FMN1: variants seen among roughly 807,000 people sequenced by gnomAD.
FMN1 encodes the protein formin 1, also known as formin-1.
In FMN1, 110 loss-of-function variants were observed where a neutral mutation model predicts 132.4. That is an observed-to-expected ratio of 0.83 (90% CI 0.71 to 0.97). FMN1 has a LOEUF of 0.97. Among genes scored for constraint, FMN1 ranks in the 50% least tolerant of loss-of-function variants. The probability of loss-of-function intolerance (pLI) is 0.00; values close to 1 mark genes in which losing one functional copy is unlikely to be tolerated. For synonymous variants in FMN1, 722 were observed against 651.7 expected, an observed-to-expected ratio of 1.11 and a Z score of -1.64; for missense variants, 1,792 against 1,705.3, an observed-to-expected ratio of 1.05 and a Z score of -0.90.
chr15:32,960,995 C>CAAAAAAAAAAAAAAAAAAAA (rs539245532), intron 9 of FMN1, among the ~76,000 whole-genome samples: 2 of 59,094 alleles, frequency 3.4e-5, no homozygotes, highest in South Asian at 1.0e-3. Context: ...GACTCCGTCT[C>CAAAAAAAAAAAAAAAAAAAA]AAAAAAAAAA....
At chr15:33,002,649 C>T (rs1166676999) in intron 7 of FMN1, among the ~76,000 whole-genome samples, 2 of 152,168 alleles carry the variant, frequency 1.3e-5, no homozygotes, top group African/African-American at 4.8e-5. Context: ...GACTTAGCCC[C>T]AGCAGGTTGA....
At chr15:33,118,656 A>G (rs1417010588) in intron 4 of FMN1, among the ~76,000 whole-genome samples, 1 of 152,118 alleles carries the variant, frequency 6.6e-6, no homozygotes, top group Non-Finnish European at 1.5e-5. Flanking sequence ...TAATGCTCAT[A>G]TTAAATATTA....
At chr15:32,863,162 G>C (rs186958146) in intron 16 of FMN1, among the ~76,000 whole-genome samples, 40 of 152,298 alleles carry the variant, frequency 2.6e-4, no homozygotes, top group African/African-American at 9.1e-4. Context: ...ACATCAGTTC[G>C]GCTAGGCGCG....
At chr15:32,999,199 T>G (rs1404767952) in intron 7 of FMN1, among the ~76,000 whole-genome samples, 1 of 152,246 alleles carries the variant, frequency 6.6e-6, no homozygotes. Context: ...TTTTGTTTAT[T>G]GGCCTACAAA....
chr15:33,020,975 A>G (rs1054457137), intron 6 of FMN1, among the ~76,000 whole-genome samples: 1 of 152,218 alleles, frequency 6.6e-6, no homozygotes, highest in Non-Finnish European at 1.5e-5. Context: ...AATACTTCCT[A>G]TGGCTTTAAG....
chr15:32,868,368 A>AAT (rs2059440330), intron 16 of FMN1, among the ~76,000 whole-genome samples: 1 of 152,192 alleles, frequency 6.6e-6, no homozygotes, highest in Non-Finnish European at 1.5e-5. Flanking sequence ...TCTACTGAAT[A>AAT]ATGTTGGGGA....
intron 17 of FMN1, among the ~76,000 whole-genome samples, chr15:32,849,934 G>A (rs1164163369): frequency 6.6e-6 from 1 of 152,214 alleles, no homozygotes; most frequent in Non-Finnish European, 1.5e-5. Flanking sequence ...AGGGATTACA[G>A]GCTTAAGCCA....
At chr15:33,193,779 C>T (rs1399565519) in intron 2 of FMN1, 130 bp downstream of exon 2, 1 of 152,074 alleles carries the variant, frequency 6.6e-6, no homozygotes, top group Non-Finnish European at 1.5e-5. Flanking sequence ...GAAAATCCTC[C>T]CAGCTCACAC....
In FMN1 at chr15:32,857,121, T is replaced by C. The variant is rs1159001170; in HGVS notation, c.3836-14A>G. ...GTTTCTCACTTGCTGTGAAGAGAAA[T>C]TTAGAATTAGACTTAGGAACACAGA... On this transcript the variant is annotated splice_polypyrimidine_tract_variant and intron_variant, in intron 16 of 20. Coordinates refer to ENST00000616417, the MANE Select transcript of FMN1 (RefSeq NM_001277313.2). The C allele has an allele frequency of 1.9e-6, 3 of 1,599,510 alleles. No individual in the cohort carries two copies. The highest frequency in any genetic ancestry group is 2.6e-6 in the Non-Finnish European group (3 of 1,166,856).
At chr15:33,069,993 C>CTCTCTCTT (rs398026774) in intron 5 of FMN1, among the ~76,000 whole-genome samples, 2 of 74,292 alleles carry the variant, frequency 2.7e-5, no homozygotes, top group African/African-American at 1.1e-4. Flanking sequence ...CAGTCTTTCT[C>CTCTCTCTT]TTTTTTTTTT....
chr15:33,107,714 GCTCT>G (rs2039541038), intron 4 of FMN1, among the ~76,000 whole-genome samples: 1 of 151,954 alleles, frequency 6.6e-6, no homozygotes. Flanking sequence ...TTGCCAACAA[GCTCT>G]CTAGTATTTT....
chr15:32,816,502 A>AG (rs768398864), intron 17 of FMN1, among the ~76,000 whole-genome samples: 2 of 152,146 alleles, frequency 1.3e-5, no homozygotes, highest in Non-Finnish European at 2.9e-5. Context: ...TTTTGAAGAA[A>AG]GGGGCTCATT....
At chr15:33,055,950 G>A (rs764186236) in intron 6 of FMN1, among the ~76,000 whole-genome samples, 2 of 152,162 alleles carry the variant, frequency 1.3e-5, no homozygotes, top group African/African-American at 4.8e-5. Context: ...AGGCACCCAC[G>A]AGGATATGCA....
chr15:32,955,681 G>A (rs551817030), intron 9 of FMN1, among the ~76,000 whole-genome samples: 1 of 152,224 alleles, frequency 6.6e-6, no homozygotes, highest in East Asian at 1.9e-4. Context: ...TATTTAGAAT[G>A]GTTCTCTCAT....
At chr15:32,843,328 G>A (rs538604941) in intron 17 of FMN1, among the ~76,000 whole-genome samples, 4 of 152,218 alleles carry the variant, frequency 2.6e-5, no homozygotes, top group African/African-American at 7.2e-5. Flanking sequence ...CTGTCAACAC[G>A]CTGGAACCTA....
At chr15:32,898,778 A>C in intron 15 of FMN1, 56 bp downstream of exon 15, 2 of 1,129,490 alleles carry the variant, frequency 1.8e-6, no homozygotes, top group Non-Finnish European at 1.3e-6. Context: ...CATCCAACTT[A>C]TGAATGTCAA....
chr15:32,962,796 C>A (rs2030731638), intron 9 of FMN1, among the ~76,000 whole-genome samples: 1 of 151,712 alleles, frequency 6.6e-6, no homozygotes, highest in Non-Finnish European at 1.5e-5. Context: ...CAATGAGATA[C>A]CATCTCAAAC....
intron 10 of FMN1, among the ~76,000 whole-genome samples, chr15:32,916,306 A>T (rs1386130166): frequency 6.6e-6 from 1 of 152,138 alleles, no homozygotes; most frequent in African/African-American, 2.4e-5. Flanking sequence ...CCATTTTTCA[A>T]CCCTGAACAC....
intron 12 of FMN1, among the ~76,000 whole-genome samples, chr15:32,906,288 A>G (rs930249275): frequency 1.3e-5 from 2 of 152,228 alleles, no homozygotes; most frequent in South Asian, 2.1e-4. Flanking sequence ...CCCATGAATT[A>G]AAAGAACGAT....
Sources: allele counts gnomAD v4.1 joint callset (sites outside exome capture counted in the v4.1 genomes callset), GRCh38; gene constraint gnomAD v4.1.1; transcripts MANE v1.5; gene names NCBI Gene and HGNC (gene_info 2026-07-23, HGNC 2026-07-21).